Variants in NRXN3 observed in about 807,000 individuals in gnomAD.
NRXN3 encodes neurexin 3.
A neutral mutation model predicts 137.6 loss-of-function variants in NRXN3; 32 were observed. The observed-to-expected ratio is 0.23, with a 90% CI of 0.18 to 0.31. The LOEUF is 0.31. NRXN3 is among the 10% of genes least tolerant of loss of function. NRXN3 has a pLI of 1.00. For synonymous variants in NRXN3, 798 were observed against 784.5 expected, an observed-to-expected ratio of 1.02 and a Z score of -0.29; for missense variants, 1,574 against 2,062.5, an observed-to-expected ratio of 0.76 and a Z score of 4.59.
intron 15 of NRXN3, among the ~76,000 whole-genome samples, chr14:79,388,674 G>C (rs2094731153): frequency 6.6e-6 from 1 of 152,038 alleles, no homozygotes; most frequent in Non-Finnish European, 1.5e-5. Context: ...CCCTTACCCA[G>C]GCCTCTCTCC....
Position 79,346,188 on chromosome 14 carries a change from G to A in NRXN3, c.3263-121033G>A, listed in dbSNP as rs116965057. 3.1e-3 allele frequency among the ~76,000 whole-genome samples: 471 copies of A among 152,310 alleles called. 1 individual carries two copies. Among genetic ancestry groups the A allele is most frequent in the Non-Finnish European group, 5.0e-3 (343 of 68,038 alleles). ...TAATCCCAGCACTTTGAGAGGCAGA[G>A]GAGGGTGGATTACCTGAGGTCAGGA... On this transcript the variant is annotated intron_variant, in intron 15 of 20. Transcript: ENST00000335750.
chr14:78,632,510 A>G (rs2097531117), intron 4 of NRXN3, among the ~76,000 whole-genome samples: 1 of 152,172 alleles, frequency 6.6e-6, no homozygotes, highest in Non-Finnish European at 1.5e-5. Flanking sequence ...AAGCAGCATG[A>G]TCTAATGGAA....
At chr14:79,392,544 T>C (rs2094882981) in intron 15 of NRXN3, among the ~76,000 whole-genome samples, 1 of 152,124 alleles carries the variant, frequency 6.6e-6, no homozygotes, top group Non-Finnish European at 1.5e-5. Flanking sequence ...TATTTCTGGT[T>C]CTAGATCCTT....
intron 3 of NRXN3, among the ~76,000 whole-genome samples, chr14:78,292,355 G>A (rs2075885332): frequency 6.6e-6 from 1 of 152,152 alleles, no homozygotes; most frequent in South Asian, 2.1e-4. Flanking sequence ...CTATTCTAAG[G>A]CAATTTCAAC....
At chr14:79,848,378 T>G (rs2099384763) in intron 20 of NRXN3, among the ~76,000 whole-genome samples, 1 of 152,206 alleles carries the variant, frequency 6.6e-6, no homozygotes, top group Non-Finnish European at 1.5e-5. Context: ...ACAGGGCGCA[T>G]GCAGCCCAGG....
chr14:79,744,657 A>G (rs548401486), intron 19 of NRXN3, among the ~76,000 whole-genome samples: 1 of 152,330 alleles, frequency 6.6e-6, no homozygotes, highest in East Asian at 1.9e-4. Context: ...AGTGTGCTTT[A>G]AGGAGTCCCT....
At chr14:78,671,132 GA>G (rs2097930082) in intron 6 of NRXN3, among the ~76,000 whole-genome samples, 1 of 152,192 alleles carries the variant, frequency 6.6e-6, no homozygotes, top group Non-Finnish European at 1.5e-5. Context: ...AAGAACTAGA[GA>G]AAACGTTGTC....
intron 4 of NRXN3, among the ~76,000 whole-genome samples, chr14:78,613,897 A>C (rs905673765): frequency 6.6e-6 from 1 of 152,150 alleles, no homozygotes; most frequent in Non-Finnish European, 1.5e-5. Context: ...CTCAGAAATC[A>C]CGGAGAACTC....
chr14:79,187,597 CAT>C, intron 15 of NRXN3, among the ~76,000 whole-genome samples: 3 of 12,504 alleles, frequency 2.4e-4, no homozygotes, highest in Non-Finnish European at 3.4e-4. Context: ...AATGTGTAAG[CAT>C]GCAGTGAGCC....
At chr14:78,234,384 T>C (rs1386088848) in intron 1 of NRXN3, among the ~76,000 whole-genome samples, 3 of 152,224 alleles carry the variant, frequency 2.0e-5, no homozygotes, top group Non-Finnish European at 4.4e-5. Flanking sequence ...GGGCTTTCAC[T>C]TGTACTAAGT....
chr14:78,220,021 T>C (rs951894694), intron 1 of NRXN3, among the ~76,000 whole-genome samples: 20 of 151,152 alleles, frequency 1.3e-4, no homozygotes, highest in Middle Eastern at 3.2e-3. Context: ...CATAAGAAAA[T>C]TGATTGGATG....
chr14:79,331,780 C>A (rs1487223112), intron 15 of NRXN3, among the ~76,000 whole-genome samples: 1 of 151,982 alleles, frequency 6.6e-6, no homozygotes, highest in Non-Finnish European at 1.5e-5. Context: ...CAAACATGCA[C>A]CCCTCTGCTC....
At chr14:78,330,031 T>C (rs1163064830) in intron 4 of NRXN3, among the ~76,000 whole-genome samples, 4 of 152,160 alleles carry the variant, frequency 2.6e-5, no homozygotes, top group Non-Finnish European at 5.9e-5. Context: ...GTCCACCATA[T>C]GCAATGGAAG....
intron 1 of NRXN3, among the ~76,000 whole-genome samples, chr14:78,186,697 G>A (rs2060259442): frequency 6.6e-6 from 1 of 152,168 alleles, no homozygotes; most frequent in African/African-American, 2.4e-5. Context: ...GCAAAAGAGG[G>A]CTTTTCTGAC....
chr14:78,943,617 AAAAAATATATATAT>A lies in NRXN3; in HGVS notation c.2276-13623_2276-13610del, dbSNP rs1237670964. 8.4e-4 allele frequency among the ~76,000 whole-genome samples: 34 copies of A among 40,528 alleles called. 1 individual carries two copies. The highest frequency in any genetic ancestry group is 2.6e-3 in the East Asian group (3 of 1,144). 26.6% of individuals were successfully genotyped at this position (40,528 alleles called of 152,430 possible). A position where few individuals can be genotyped will look rare whatever the true frequency, so the allele number is the denominator to read the frequency against. Reference sequence around the variant, plus strand: ...AAGAAGCAAGATCACTGTTAAAAAAAAAAAATATATATATATATATATATATATATATATATATA... The same window carrying A: ...AAGAAGCAAGATCACTGTTAAAAAAAATATATATATATATATATATATATA... On this transcript the variant is annotated intron_variant, in intron 10 of 20. Transcript: ENST00000335750.
chr14:79,280,338 C>T (rs1744908885), intron 15 of NRXN3: 1 of 1,614,088 alleles, frequency 6.2e-7, no homozygotes. Context: ...CGCCGGCCGG[C>T]CTGGACGCTT....
intron 4 of NRXN3, among the ~76,000 whole-genome samples, chr14:78,412,790 C>A (rs1282076582): frequency 6.6e-6 from 1 of 152,148 alleles, no homozygotes; most frequent in Non-Finnish European, 1.5e-5. Flanking sequence ...TGAACTGCAT[C>A]CCCTGTAGTT....
intron 14 of NRXN3, among the ~76,000 whole-genome samples, chr14:78,973,701 C>T (rs949943569): frequency 1.3e-5 from 2 of 151,990 alleles, no homozygotes; most frequent in Non-Finnish European, 2.9e-5. Context: ...AGTAATGGCC[C>T]ACTGATCCTA....
intron 16 of NRXN3, among the ~76,000 whole-genome samples, chr14:79,560,614 C>T (rs1236470287): frequency 7.0e-6 from 1 of 142,922 alleles, no homozygotes; most frequent in East Asian, 2.1e-4. Flanking sequence ...GGGTTGAAGC[C>T]ATTCCCCTCC....
Sources: gnomAD v4.1 joint callset for allele counts (sites outside exome capture counted in the v4.1 genomes callset) on GRCh38, gnomAD v4.1.1 for gene constraint, MANE v1.5 for transcripts, NCBI Gene and HGNC (gene_info 2026-07-23, HGNC 2026-07-21) for gene names.